The following ADAM12 variants were observed in gnomAD, a reference collection of about 807,000 sequenced individuals.
The protein encoded by ADAM12 is ADAM metallopeptidase domain 12, also known as disintegrin and metalloproteinase domain-containing protein 12.
In ADAM12, 70 loss-of-function variants were observed where a neutral mutation model predicts 106.4. That is an observed-to-expected ratio of 0.66 (90% confidence interval 0.54 to 0.80). ADAM12 has a LOEUF of 0.80. Among genes scored for constraint, ADAM12 ranks in the 30% least tolerant of loss-of-function variants. ADAM12 has a pLI of 0.00. For missense variants in ADAM12, 1,010 were observed against 1,171.9 expected, an observed-to-expected ratio of 0.86 and a Z score of 2.02; for synonymous variants, 420 against 433.5, an observed-to-expected ratio of 0.97 and a Z score of 0.39.
intron 3 of ADAM12, among the ~76,000 whole-genome samples, chr10:126,236,730 T>G (rs899978798): frequency 2.0e-5 from 3 of 150,458 alleles, no homozygotes; most frequent in Admixed American, 6.6e-5. Flanking sequence ...GAAGGAGTAC[T>G]CACAGGAAGG....
intron 8 of ADAM12, among the ~76,000 whole-genome samples, chr10:126,104,586 G>A (rs899903383): frequency 1.3e-5 from 2 of 152,142 alleles, no homozygotes; most frequent in Non-Finnish European, 2.9e-5. Flanking sequence ...GAGGTGAAGG[G>A]TGGAAGATGC....
Position 126,193,382 on chromosome 10 carries a change from T to A in ADAM12, c.261-38077A>T, listed in dbSNP as rs1441874240. 2.6e-5 allele frequency among the ~76,000 whole-genome samples: 4 copies of A among 151,964 alleles called. No homozygotes were observed. In the East Asian group the frequency reaches 7.7e-4, roughly 29 times the overall value. ...CCAGTATGACAGTTAAGGTTTTGCTTAATTTGCAAAGTCACTGTAATCTGA... is the reference window on the plus strand; with the variant it reads ...CCAGTATGACAGTTAAGGTTTTGCTAAATTTGCAAAGTCACTGTAATCTGA... On this transcript the variant is annotated intron_variant, in intron 3 of 22. Coordinates refer to ENST00000448723, the MANE Select transcript of ADAM12 (RefSeq NM_001288973.2).
intron 21 of ADAM12, among the ~76,000 whole-genome samples, chr10:126,023,939 G>C (rs1953818820): frequency 6.7e-6 from 1 of 148,604 alleles, no homozygotes; most frequent in South Asian, 2.1e-4. Context: ...AGGGAAACAA[G>C]GAACCAGGAG....
At chr10:126,319,447 A>C (rs1590775715) in intron 2 of ADAM12, among the ~76,000 whole-genome samples, 1 of 152,178 alleles carries the variant, frequency 6.6e-6, no homozygotes, top group African/African-American at 2.4e-5. Context: ...CTGCTGCCCA[A>C]AACAGACAAG....
intron 3 of ADAM12, among the ~76,000 whole-genome samples, chr10:126,179,807 C>T (rs2133780676): frequency 6.6e-6 from 1 of 152,156 alleles, no homozygotes; most frequent in African/African-American, 2.4e-5. Flanking sequence ...GCAGTTCATG[C>T]ATGGCATGCA....
intron 3 of ADAM12, among the ~76,000 whole-genome samples, chr10:126,247,913 G>A (rs1449618820): frequency 2.6e-5 from 4 of 152,162 alleles, no homozygotes; most frequent in Non-Finnish European, 2.9e-5. Flanking sequence ...AGCCAATGAC[G>A]GAGTAAGATG....
intron 6 of ADAM12, among the ~76,000 whole-genome samples, chr10:126,114,980 C>G (rs775835912): frequency 6.6e-6 from 1 of 152,198 alleles, no homozygotes; most frequent in Non-Finnish European, 1.5e-5. Flanking sequence ...AAATACCCCA[C>G]CACTACTGTG....
chr10:126,354,073 T>C (rs371430377), intron 1 of ADAM12, among the ~76,000 whole-genome samples: 1 of 152,202 alleles, frequency 6.6e-6, no homozygotes, highest in African/African-American at 2.4e-5. Flanking sequence ...TTGCATTTCT[T>C]TACTTAGACT....
At chr10:126,125,482 A>T (rs1234750291) in intron 5 of ADAM12, among the ~76,000 whole-genome samples, 4 of 151,914 alleles carry the variant, frequency 2.6e-5, no homozygotes, top group Non-Finnish European at 5.9e-5. Context: ...TGACCCCGTG[A>T]TCCGCCAGCC....
intron 3 of ADAM12, among the ~76,000 whole-genome samples, chr10:126,256,148 C>A (rs1273984380): frequency 6.6e-6 from 1 of 152,144 alleles, no homozygotes; most frequent in African/African-American, 2.4e-5. Flanking sequence ...CCCTACCTGG[C>A]AACTTTGGTT....
At chr10:126,173,523 C>T (rs1271417324) in intron 3 of ADAM12, among the ~76,000 whole-genome samples, 1 of 152,170 alleles carries the variant, frequency 6.6e-6, no homozygotes, top group Non-Finnish European at 1.5e-5. Flanking sequence ...AAAACTGTCC[C>T]CAGACACAGC....
intron 8 of ADAM12, 143 bp downstream of exon 8, chr10:126,108,448 TTA>T (rs1204726733): frequency 1.5e-6 from 1 of 687,594 alleles, no homozygotes; most frequent in African/African-American, 1.8e-5. Flanking sequence ...GACCCAGGAA[TTA>T]CACACTCAGA....
At chr10:126,274,238 G>C (rs528968167) in intron 3 of ADAM12, among the ~76,000 whole-genome samples, 2 of 152,334 alleles carry the variant, frequency 1.3e-5, no homozygotes, top group Admixed American at 6.5e-5. Flanking sequence ...TGAGAATGAA[G>C]TGGCAGGTGG....
chr10:126,172,946 T>C (rs1957145969), intron 3 of ADAM12, among the ~76,000 whole-genome samples: 1 of 152,222 alleles, frequency 6.6e-6, no homozygotes, highest in Non-Finnish European at 1.5e-5. Context: ...GTTGAGCTCA[T>C]GTCCTTTGTG....
In ADAM12 at chr10:126,066,716, C is replaced by T; in HGVS notation, c.1413+1G>A. On this transcript the variant is annotated splice_donor_variant, in intron 13 of 22. Coordinates refer to ENST00000448723, the MANE Select transcript of ADAM12 (RefSeq NM_001288973.2). LOFTEE classifies it high-confidence loss of function. This position sits in a 1 kb window ranked among gnomAD's most constrained non-coding sequence, Gnocchi z 5.1. ...GTCAAGTTGTAGCTCCGGTGACTCA[C>T]CTGGCAGTCTTCACAGCACAGCCCA... 6.2e-7 allele frequency: 1 copy of T among 1,614,156 alleles called. No homozygotes were observed. The highest frequency in any genetic ancestry group is 8.5e-7 in the Non-Finnish European group (1 of 1,179,980).
intron 8 of ADAM12, among the ~76,000 whole-genome samples, chr10:126,103,440 G>A (rs1955705415): frequency 6.6e-6 from 1 of 152,168 alleles, no homozygotes; most frequent in Non-Finnish European, 1.5e-5. Flanking sequence ...ATGATGCCAC[G>A]GTGGTTTCTG....
At chr10:126,097,559 C>T (rs1955579860) in intron 10 of ADAM12, among the ~76,000 whole-genome samples, 1 of 152,168 alleles carries the variant, frequency 6.6e-6, no homozygotes, top group Non-Finnish European at 1.5e-5. Context: ...CACACATGTT[C>T]TGTTTAAAAA....
At chr10:126,162,765 C>T (rs115401445) in intron 3 of ADAM12, among the ~76,000 whole-genome samples, 8 of 152,224 alleles carry the variant, frequency 5.3e-5, no homozygotes, top group South Asian at 4.2e-4. Context: ...AGGACTCTTG[C>T]GTGATGTCAA....
At position 126,043,017 on chromosome 10, in the gene ADAM12, C is replaced by T. The variant is rs374925006; in HGVS notation, c.2104+23G>A. On this transcript the variant is annotated intron_variant, in intron 18 of 22. Coordinates refer to ENST00000448723, the MANE Select transcript of ADAM12 (RefSeq NM_001288973.2). The surrounding 1 kb of genome is among the most constrained non-coding windows in gnomAD (Gnocchi z 4.1). The stretch of plus-strand genomic sequence containing the variant: ...CCCCAGGTGCTCAGCCTCCTCCCAC[C>T]GGGATGCAGGGGCTTCACTGACCTG... 206 of 1,610,548 alleles carry T rather than the reference C, an allele frequency of 1.3e-4. 1 individual carries two copies. The African/African-American group carries it at 1.9e-3, about 15-fold the overall frequency.
Sources: allele counts gnomAD v4.1 joint callset (sites outside exome capture counted in the v4.1 genomes callset), GRCh38; gene constraint gnomAD v4.1.1; non-coding constraint Gnocchi (gnomAD v3.1); transcripts MANE v1.5; gene names NCBI Gene and HGNC (gene_info 2026-07-23, HGNC 2026-07-21).